The following RAD18 variants were observed in gnomAD, a reference collection of about 807,000 sequenced individuals.
RAD18 encodes the protein RAD18 E3 ubiquitin protein ligase, also known as E3 ubiquitin-protein ligase RAD18.
RAD18 carries 47 observed loss-of-function variants against 60.4 expected under a neutral mutation model. The ratio of observed to expected loss-of-function variants is 0.78; its 90% confidence interval spans 0.62 to 0.99. The LOEUF (loss-of-function observed/expected upper bound fraction) is 0.99, where lower values mean the gene tolerates loss of function less well. Among genes scored for constraint, RAD18 ranks in the 50% least tolerant of loss-of-function variants. The pLI is 0.00. For missense variants in RAD18, 640 were observed against 593.3 expected (o/e 1.08, Z -0.82); for synonymous variants, 225 against 195.5 (o/e 1.15, Z -1.26).
chr3:8,909,074 G>A (rs371273527), intron 9 of RAD18, among the ~76,000 whole-genome samples: 1 of 152,158 alleles, frequency 6.6e-6, no homozygotes, highest in East Asian at 1.9e-4. Flanking sequence ...AGGGGGGTCA[G>A]AGGCAATTAG....
intron 7 of RAD18, among the ~76,000 whole-genome samples, chr3:8,925,336 A>G (rs1309154386): frequency 6.6e-6 from 1 of 152,166 alleles, no homozygotes; most frequent in Non-Finnish European, 1.5e-5. Flanking sequence ...TCCTCGACAC[A>G]TACACACTCC....
At chr3:8,944,526 A>G (rs1406376184) in intron 4 of RAD18, among the ~76,000 whole-genome samples, 1 of 150,890 alleles carries the variant, frequency 6.6e-6, no homozygotes, top group Non-Finnish European at 1.5e-5. Flanking sequence ...ACAGAGCAAG[A>G]AGAAGAGAGG....
chr3:8,958,450 G>C (rs1188123872), intron 2 of RAD18, among the ~76,000 whole-genome samples: 2 of 152,178 alleles, frequency 1.3e-5, no homozygotes, highest in Non-Finnish European at 2.9e-5. Flanking sequence ...AGTCTTTCCA[G>C]CGTCACATAG....
intron 7 of RAD18, among the ~76,000 whole-genome samples, chr3:8,918,301 A>G (rs1308471422): frequency 2.2e-5 from 3 of 133,872 alleles, no homozygotes; most frequent in African/African-American, 8.2e-5. Flanking sequence ...CTGGGCAACT[A>G]GAGTGAAACT....
intron 9 of RAD18, among the ~76,000 whole-genome samples, chr3:8,903,075 G>A (rs1939942415): frequency 6.6e-6 from 1 of 151,092 alleles, no homozygotes; most frequent in Admixed American, 6.6e-5. Context: ...GCTTGCTCAA[G>A]AACAGCATCC....
At chr3:8,905,276 T>C (rs1007591192) in intron 9 of RAD18, among the ~76,000 whole-genome samples, 2 of 152,210 alleles carry the variant, frequency 1.3e-5, no homozygotes, top group African/African-American at 4.8e-5. Flanking sequence ...AATCATACCA[T>C]CCTTTGTGCC....
chr3:8,959,113 C>T (rs1178074225), intron 1 of RAD18, 112 bp from the exon 2 acceptor site: 5 of 818,764 alleles, frequency 6.1e-6, no homozygotes, highest in Non-Finnish European at 1.0e-5. Context: ...TTGTCAAATA[C>T]ACAAATTCAA....
chr3:8,881,394 G>A lies in RAD18; in HGVS notation c.1451C>T (p.Ala484Val), dbSNP rs1395865877. 1.9e-6 allele frequency: 3 copies of A among 1,612,878 alleles called. No individual in the cohort carries two copies. The highest frequency in any genetic ancestry group is 2.5e-6 in the Non-Finnish European group (3 of 1,178,894). The part of the protein sequence containing the change: ...QNRRTRAAES[A>V]EIEPRNKRNR... ...ACGCTTGTTTCTTGGTTCAATCTCA[G>A]CACTTTCAGCGGCTCTTGTGCGGCG... Residue 484 changes from alanine (A) to valine (V), a missense_variant, in exon 13 of 13, where the codon GCT (alanine) becomes GTT (valine). Coordinates refer to ENST00000264926, the MANE Select transcript of RAD18 (RefSeq NM_020165.4).
chr3:8,903,657 T>G (rs1193683991), intron 9 of RAD18, among the ~76,000 whole-genome samples: 1 of 152,184 alleles, frequency 6.6e-6, no homozygotes, highest in African/African-American at 2.4e-5. Flanking sequence ...TGTATGGACT[T>G]TAGGGCATGT....
chr3:8,947,088 G>A, intron 4 of RAD18, 132 bp downstream of exon 4: 1 of 690,158 alleles, frequency 1.4e-6, no homozygotes, highest in East Asian at 2.7e-5. Context: ...TGTGAATAAT[G>A]ACTGTTACTT....
intron 6 of RAD18, among the ~76,000 whole-genome samples, chr3:8,936,335 G>C (rs11131154): frequency 0.13 from 20,300 of 152,180 alleles, 1,592 homozygotes; most frequent in East Asian, 0.23. Flanking sequence ...GGCACACTTA[G>C]AAGACATATA....
At chr3:8,940,114 A>C (rs1358788030) in intron 5 of RAD18, among the ~76,000 whole-genome samples, 1 of 152,208 alleles carries the variant, frequency 6.6e-6, no homozygotes, top group Non-Finnish European at 1.5e-5. Flanking sequence ...AATTTTGTCA[A>C]TGGTTACAAA....
At chr3:8,883,480 A>G (rs1178697569) in intron 12 of RAD18, among the ~76,000 whole-genome samples, 1 of 152,218 alleles carries the variant, frequency 6.6e-6, no homozygotes, top group Non-Finnish European at 1.5e-5. Context: ...CTAATGATTG[A>G]ACAGTTCCTT....
At position 8,958,913 on chromosome 3, in the gene RAD18, T is replaced by TA. The variant is rs1484031412; in HGVS notation, c.133+6dup. On this transcript the variant is annotated splice_region_variant and intron_variant, in intron 2 of 12. Transcript: ENST00000264926. ...TTTACTAACTCACAGGAACAAAACATACTTACAGTTATGTGAACACTGAGG... is the reference window on the plus strand; with the variant it reads ...TTTACTAACTCACAGGAACAAAACATAACTTACAGTTATGTGAACACTGAGG... The TA allele has an allele frequency of 6.2e-7, 1 of 1,608,230 alleles. No homozygotes were observed. The highest frequency in any genetic ancestry group is 1.1e-5 in the South Asian group (1 of 90,678).
intron 9 of RAD18, among the ~76,000 whole-genome samples, chr3:8,909,476 T>C (rs902390948): frequency 6.7e-6 from 1 of 149,808 alleles, no homozygotes; most frequent in African/African-American, 2.5e-5. Context: ...ATTTAGAAGA[T>C]AGAGACTGAC....
chr3:8,942,409 G>C (rs1297133716), intron 4 of RAD18, among the ~76,000 whole-genome samples: 1 of 152,186 alleles, frequency 6.6e-6, no homozygotes, highest in African/African-American at 2.4e-5. Flanking sequence ...CAGATGGCTT[G>C]TACAGCTGCA....
intron 7 of RAD18, among the ~76,000 whole-genome samples, chr3:8,929,694 T>G (rs918618469): frequency 2.0e-5 from 3 of 151,598 alleles, no homozygotes; most frequent in African/African-American, 4.9e-5. Flanking sequence ...CAGACTGTAG[T>G]GCAATGGCAC....
chr3:8,961,242 C>T (rs1175866320), intron 1 of RAD18, among the ~76,000 whole-genome samples: 1 of 152,096 alleles, frequency 6.6e-6, no homozygotes, highest in Non-Finnish European at 1.5e-5. Flanking sequence ...ATCACATGCG[C>T]CTCAACCAAC....
chr3:8,909,452 C>G (rs941263092), intron 9 of RAD18, among the ~76,000 whole-genome samples: 1 of 150,898 alleles, frequency 6.6e-6, no homozygotes, highest in Non-Finnish European at 1.5e-5. Flanking sequence ...AAGAAGTGTA[C>G]GGACTCGGGG....
Sources: gnomAD v4.1 joint callset for allele counts (sites outside exome capture counted in the v4.1 genomes callset) on GRCh38, gnomAD v4.1.1 for gene constraint, MANE v1.5 for transcripts, NCBI Gene and HGNC (gene_info 2026-07-23, HGNC 2026-07-21) for gene names.